Variants in FBXW11 observed in about 807,000 individuals in gnomAD.
The protein encoded by FBXW11 is F-box and WD repeat domain containing 11.
A neutral mutation model predicts 77.6 loss-of-function variants in FBXW11; 19 were observed. The ratio of observed to expected loss-of-function variants is 0.24; its 90% CI spans 0.17 to 0.36. FBXW11 has a LOEUF of 0.36. Ranked by LOEUF, FBXW11 falls within the 10% of genes least tolerant of loss-of-function variation. FBXW11 has a pLI of 1.00. For synonymous variants in FBXW11, 235 were observed against 249.4 expected (o/e 0.94, Z 0.54); for missense variants, 334 against 704.2 (o/e 0.47, Z 5.95).
intron 4 of FBXW11, among the ~76,000 whole-genome samples, chr5:171,906,692 G>A (rs977694690): frequency 1.3e-5 from 2 of 152,134 alleles, no homozygotes; most frequent in South Asian, 2.1e-4. Flanking sequence ...ACACAGAGGA[G>A]GAAACTGAGG....
chr5:171,901,584 G>A (rs1760116943), intron 4 of FBXW11, among the ~76,000 whole-genome samples: 1 of 152,158 alleles, frequency 6.6e-6, no homozygotes, highest in Non-Finnish European at 1.5e-5. Context: ...TGGGACCACT[G>A]TCCTTTCCTG....
intron 2 of FBXW11, among the ~76,000 whole-genome samples, chr5:171,939,974 C>T (rs1272928880): frequency 6.6e-6 from 1 of 151,798 alleles, no homozygotes; most frequent in African/African-American, 2.4e-5. Context: ...ACTTATAATT[C>T]CAAAAAAAAG....
At chr5:171,992,470 G>A (rs1460111236) in intron 1 of FBXW11, among the ~76,000 whole-genome samples, 2 of 148,966 alleles carry the variant, frequency 1.3e-5, no homozygotes, top group African/African-American at 2.5e-5. Context: ...GAGGAAGAAC[G>A]AAAGAAAGGA....
At chr5:171,871,123 C>T (rs921517126) in intron 10 of FBXW11, among the ~76,000 whole-genome samples, 42 of 152,144 alleles carry the variant, frequency 2.8e-4, no homozygotes, top group African/African-American at 9.4e-4. Flanking sequence ...TTTAATCATG[C>T]GTCTGTATTA....
chr5:171,956,590 G>C (rs1364134729), intron 2 of FBXW11, among the ~76,000 whole-genome samples: 1 of 152,062 alleles, frequency 6.6e-6, no homozygotes, highest in African/African-American at 2.4e-5. Flanking sequence ...CTCCTTCCTG[G>C]CTCCCCAGCT....
At chr5:171,894,028 T>TC (rs11451762) in intron 6 of FBXW11, among the ~76,000 whole-genome samples, 152,204 of 152,206 alleles carry the variant, frequency 1, 76,101 homozygotes, top group Middle Eastern at 1. Context: ...CTCCATGCTC[T>TC]CCGCTGCTCT....
At chr5:172,002,171 C>T (rs1766446081) in intron 1 of FBXW11, among the ~76,000 whole-genome samples, 2 of 152,150 alleles carry the variant, frequency 1.3e-5, no homozygotes, top group Non-Finnish European at 2.9e-5. Context: ...TAGTAAGAGG[C>T]ATATATGTGC....
chr5:171,995,786 C>T (rs1473742174), intron 1 of FBXW11, among the ~76,000 whole-genome samples: 2 of 152,054 alleles, frequency 1.3e-5, no homozygotes, highest in Non-Finnish European at 2.9e-5. Flanking sequence ...TATTAAAATA[C>T]CATGCCAAAC....
chr5:171,883,577 G>GT (rs1274704031), intron 7 of FBXW11, among the ~76,000 whole-genome samples: 1 of 152,170 alleles, frequency 6.6e-6, no homozygotes, highest in African/African-American at 2.4e-5. Flanking sequence ...CATAGCAGCT[G>GT]TACTAGTTTA....
intron 1 of FBXW11, chr5:172,003,184 C>T (rs1766520152): frequency 6.6e-6 from 1 of 152,134 alleles, no homozygotes; most frequent in Non-Finnish European, 1.5e-5. Flanking sequence ...CACTCACACC[C>T]GTGGAGGAGG....
chr5:171,868,522 C>T (rs116439645), intron 13 of FBXW11, 88 bp downstream of exon 13: 40,972 of 1,090,672 alleles, frequency 0.038, 915 homozygotes, highest in Non-Finnish European at 0.046. Context: ...TTGGTTCACA[C>T]ATCACCAAGG....
At chr5:171,959,878 A>AAAAG (rs1763813049) in intron 1 of FBXW11, among the ~76,000 whole-genome samples, 3 of 151,656 alleles carry the variant, frequency 2.0e-5, no homozygotes, top group Admixed American at 2.0e-4. Flanking sequence ...AAAAGAAAAG[A>AAAAG]AAAAAAACCA....
intron 1 of FBXW11, among the ~76,000 whole-genome samples, chr5:172,000,223 C>A (rs1766332313): frequency 6.6e-6 from 1 of 152,200 alleles, no homozygotes; most frequent in Non-Finnish European, 1.5e-5. Flanking sequence ...AAGGTTAAAA[C>A]CATCAGCTTT....
chr5:171,920,129 C>T (rs1029794443), intron 2 of FBXW11, among the ~76,000 whole-genome samples: 2 of 152,050 alleles, frequency 1.3e-5, no homozygotes, highest in South Asian at 2.1e-4. Flanking sequence ...CACCACTGCA[C>T]TCCAGTCTGG....
chr5:171,878,591 T>TGTGTGTGTGTGTG (rs1561640265), intron 7 of FBXW11, among the ~76,000 whole-genome samples: 23 of 95,524 alleles, frequency 2.4e-4, no homozygotes, highest in Middle Eastern at 9.5e-3. Context: ...TGTGTGTGTG[T>TGTGTGTGTGTGTG]AAGAGAGAGA....
chr5:171,924,742 A>G (rs1561688896), intron 2 of FBXW11, among the ~76,000 whole-genome samples: 1 of 152,082 alleles, frequency 6.6e-6, no homozygotes, highest in South Asian at 2.1e-4. Context: ...GAGCTGTAAC[A>G]TAAGTGGGCT....
chr5:171,976,900 G>T (rs1764855595), intron 1 of FBXW11, among the ~76,000 whole-genome samples: 1 of 152,004 alleles, frequency 6.6e-6, no homozygotes, highest in African/African-American at 2.4e-5. Flanking sequence ...CACAAAATTA[G>T]CCAGGTGTGG....
Position 171,893,421 on chromosome 5 carries a change from C to CAAAAAAAAAAAAAAAAAAAAAAAAAAA in FBXW11, c.715-1818_715-1817insTTTTTTTTTTTTTTTTTTTTTTTTTTT, listed in dbSNP as rs397999920. 6.8e-4 allele frequency among the ~76,000 whole-genome samples: 27 copies of CAAAAAAAAAAAAAAAAAAAAAAAAAAA among 39,840 alleles called. 9 individuals are homozygous for CAAAAAAAAAAAAAAAAAAAAAAAAAAA. The highest frequency in any genetic ancestry group is 2.4e-3 in the East Asian group (2 of 834). The allele number at this position is 39,840 out of a possible 152,430, so 26.1% of individuals were successfully genotyped here. ...GACATACAAAAGCACACTTCAAAAC[C>CAAAAAAAAAAAAAAAAAAAAAAAAAAA]AAAAAAAAAAAAAAAAAAAAAAAAA... On this transcript the variant is annotated intron_variant, in intron 6 of 13. Coordinates refer to ENST00000517395, the MANE Select transcript of FBXW11 (RefSeq NM_001378974.1).
At chr5:171,982,669 G>C (rs769828992) in intron 1 of FBXW11, among the ~76,000 whole-genome samples, 34 of 152,324 alleles carry the variant, frequency 2.2e-4, no homozygotes, top group Admixed American at 5.2e-4. Context: ...CAGTTTAGCA[G>C]TGTGGTGTTA....
Sources: allele counts gnomAD v4.1 joint callset (sites outside exome capture counted in the v4.1 genomes callset), GRCh38; gene constraint gnomAD v4.1.1; transcripts MANE v1.5; gene names NCBI Gene and HGNC (gene_info 2026-07-23, HGNC 2026-07-21).